NUDT19: variants seen among roughly 807,000 people sequenced by gnomAD.
NUDT19 encodes the protein nudix hydrolase 19, also known as acyl-coenzyme A diphosphatase NUDT19.
Under a neutral mutation model 22.2 loss-of-function variants are expected in NUDT19, and 31 were observed. The observed-to-expected ratio is 1.40, with a 90% confidence interval of 1.05 to 1.89. NUDT19 has a LOEUF of 1.89. NUDT19 is among the 40% of genes most tolerant of loss of function. NUDT19 has a pLI of 0.00. For synonymous variants in NUDT19, 325 were observed against 230.8 expected (o/e 1.41, Z -3.70); for missense variants, 752 against 514.2 (o/e 1.46, Z -4.47).
intron 2 of NUDT19, 87 bp downstream of exon 2, chr19:32,709,479 G>T: frequency 9.8e-7 from 1 of 1,020,044 alleles, no homozygotes; most frequent in Non-Finnish European, 1.5e-6. Context: ...GTAGAGACAG[G>T]AATTACAGTC....
rs1430070086 is a variant in NUDT19, at chr19:32,713,553, A to C, written c.*1596A>C. 6.6e-6 allele frequency: 1 copy of C among 152,202 alleles called. No homozygotes were observed. Among genetic ancestry groups the C allele is most frequent in the Non-Finnish European group, 1.5e-5 (1 of 68,040 alleles). 9.4% of individuals were successfully genotyped at this position (152,202 alleles called of 1,614,324 possible). ...ATGAATGTAAAGAGGTTAGAAATGT[A>C]GTGTTTGATTAATGATGTTTATTTT... On this transcript the variant is annotated 3_prime_UTR_variant, in exon 3 of 3. Coordinates refer to ENST00000397061, the MANE Select transcript of NUDT19 (RefSeq NM_001105570.2).
At chr19:32,697,853 G>T (rs541825719) in intron 1 of NUDT19, among the ~76,000 whole-genome samples, 61 of 152,290 alleles carry the variant, frequency 4.0e-4, no homozygotes, top group African/African-American at 1.4e-3. Context: ...CCCAAGGTCT[G>T]CCTTGATCTG....
At chr19:32,704,965 G>A (rs1341794653) in intron 1 of NUDT19, among the ~76,000 whole-genome samples, 3 of 151,486 alleles carry the variant, frequency 2.0e-5, no homozygotes, top group Non-Finnish European at 4.4e-5. Flanking sequence ...AAATTAGCTG[G>A]GCATGGTGGC....
rs752412763 is a variant in NUDT19, at chr19:32,692,690, G to A, written c.714+16G>A. On this transcript the variant is annotated intron_variant, in intron 1 of 2. Coordinates refer to ENST00000397061, the MANE Select transcript of NUDT19 (RefSeq NM_001105570.2). ...GGGCTACCAGGTAAGGCCTGCTCAG[G>A]GCCTTGCTGCGGACCGCCAGGACGT... The A allele has an allele frequency of 2.8e-6, 4 of 1,452,224 alleles. No individual in the cohort carries two copies. In the East Asian group the frequency reaches 1.0e-4, roughly 38 times the overall value. The allele number at this position is 1,452,224 out of a possible 1,614,324, so 90.0% of individuals were successfully genotyped here. A position where few individuals can be genotyped will look rare whatever the true frequency, so the allele number is the denominator to read the frequency against.
Position 32,692,058 on chromosome 19 carries a change from C to T in NUDT19, c.98C>T (p.Pro33Leu), listed in dbSNP as rs963222989. 30 of 1,291,918 alleles carry T rather than the reference C, an allele frequency of 2.3e-5. No individual in the cohort carries two copies. Among genetic ancestry groups the T allele is most frequent in the Non-Finnish European group, 2.9e-5 (30 of 1,024,528 alleles). The allele number at this position is 1,291,918 out of a possible 1,614,324, so 80.0% of individuals were successfully genotyped here. ...GWSRPETATPPSRPPPAEGFR... is the reference protein window; with the variant it reads ...GWSRPETATPLSRPPPAEGFR... Reference sequence around the variant, plus strand: ...TCGCGCCCGGAGACCGCCACCCCGCCGTCGCGCCCGCCGCCGGCCGAGGGC... The same window carrying T: ...TCGCGCCCGGAGACCGCCACCCCGCTGTCGCGCCCGCCGCCGGCCGAGGGC... Residue 33 changes from proline (P) to leucine (L), a missense_variant, in exon 1 of 3, where the codon CCG becomes CTG. Coordinates refer to ENST00000397061, the MANE Select transcript of NUDT19 (RefSeq NM_001105570.2).
rs1568430889 is a variant in NUDT19 at position 32,692,443 on chromosome 19, G to A, written c.483G>A (p.Pro161=). Residue 161 remains proline (P), a synonymous_variant, in exon 1 of 3, where the codon CCG becomes CCA. Transcript: ENST00000397061. ...GGCCTGGCCTCGCCCTGGAGCCACC[G>A]CCGGGCCTGGCCTCCTGGCGCGACC... ...APGPGLALEP[P]PGLASWRDRV... is the part of the protein sequence containing the mutation. 3 of 1,544,882 alleles carry A rather than the reference G, an allele frequency of 1.9e-6. No homozygotes were observed. Among genetic ancestry groups the A allele is most frequent in the Admixed American group, 2.0e-5 (1 of 51,224 alleles).
At chr19:32,693,507 G>T (rs556024453) in intron 1 of NUDT19, among the ~76,000 whole-genome samples, 1 of 152,196 alleles carries the variant, frequency 6.6e-6, no homozygotes, top group African/African-American at 2.4e-5. Context: ...CTCCCACAGC[G>T]GAAGGGGATC....
Position 32,692,589 on chromosome 19 carries a change from G to A in NUDT19, c.629G>A (p.Arg210His), listed in dbSNP as rs750887008. The A allele has an allele frequency of 6.9e-6, 11 of 1,584,742 alleles. No homozygotes were observed. Among genetic ancestry groups the A allele is most frequent in the South Asian group, 2.3e-5 (2 of 87,578 alleles). Residue 210 changes from arginine (R) to histidine (H), a missense_variant, in exon 1 of 3, where the codon CGC (arginine) becomes CAC (histidine). By Grantham distance (29) the Arg-to-His change is conservative. Coordinates refer to ENST00000397061, the MANE Select transcript of NUDT19 (RefSeq NM_001105570.2). ...ACCCCTTTCTTGCGGGGCACCACTC[G>A]CCGCTTTGACACGGCCTTCTTCCTG... is the stretch of plus-strand genomic sequence containing the variant. ...WLTPFLRGTT[R>H]RFDTAFFLCC...
At chr19:32,696,486 G>A (rs1014730177) in intron 1 of NUDT19, among the ~76,000 whole-genome samples, 12 of 152,120 alleles carry the variant, frequency 7.9e-5, no homozygotes, top group Non-Finnish European at 1.5e-4. Context: ...GAAAAGTTTC[G>A]TCCTGTGGGA....
chr19:32,693,195 C>T (rs1232594535), intron 1 of NUDT19, among the ~76,000 whole-genome samples: 2 of 152,182 alleles, frequency 1.3e-5, no homozygotes, highest in Non-Finnish European at 2.9e-5. Flanking sequence ...TGTTACAGTT[C>T]TTAAAGATGG....
rs1033999244 is a variant in NUDT19 at position 32,707,754 on chromosome 19, G to A, written c.715-1431G>A. Among the ~76,000 whole-genome samples the A allele has an allele frequency of 5.3e-5, 8 of 152,204 alleles. No individual in the cohort carries two copies. In the East Asian group the frequency reaches 7.7e-4, roughly 15 times the overall value. On this transcript the variant is annotated intron_variant, in intron 1 of 2. Transcript: ENST00000397061. ...AGCACTTTGAGAGGCCGAGGCGGGT[G>A]GATCACAAAGTCAGGAGATCGAGAC... is the stretch of plus-strand genomic sequence containing the variant.
At position 32,712,832 on chromosome 19, in the gene NUDT19, T is replaced by A. The variant is rs1420866795; in HGVS notation, c.*875T>A. ...CAGAACATAATTTCACAAGGGTTCC[T>A]ACTTCTGTATTGTTTTATTATCTCA... On this transcript the variant is annotated 3_prime_UTR_variant, in exon 3 of 3. Coordinates refer to ENST00000397061, the MANE Select transcript of NUDT19 (RefSeq NM_001105570.2). 1 of 152,256 alleles carries A rather than the reference T, an allele frequency of 6.6e-6. No individual in the cohort carries two copies. The highest frequency in any genetic ancestry group is 1.5e-5 in the Non-Finnish European group (1 of 68,050). 9.4% of individuals were successfully genotyped at this position (152,256 alleles called of 1,614,324 possible).
At chr19:32,703,889 C>T (rs1469074854) in intron 1 of NUDT19, among the ~76,000 whole-genome samples, 1 of 151,764 alleles carries the variant, frequency 6.6e-6, no homozygotes, top group East Asian at 1.9e-4. Context: ...TCTCAAACTC[C>T]TGACCTCAGG....
In NUDT19 at chr19:32,699,535, G is replaced by T. The variant is rs145792311; in HGVS notation, c.714+6861G>T. The stretch of plus-strand genomic sequence containing the variant: ...CACTCCGAAGAGTCGGGGGTTGTTA[G>T]CCCTTTCCCAGAAAGCCTGACACCC... On this transcript the variant is annotated intron_variant, in intron 1 of 2. Coordinates refer to ENST00000397061, the MANE Select transcript of NUDT19 (RefSeq NM_001105570.2). 5.1e-3 allele frequency among the ~76,000 whole-genome samples: 774 copies of T among 152,318 alleles called. 6 individuals carry two copies. The highest frequency in any genetic ancestry group is 0.018 in the African/African-American group (750 of 41,574).
At chr19:32,701,199 GTTTTTTTTTT>G (rs3042685) in intron 1 of NUDT19, among the ~76,000 whole-genome samples, 4 of 101,026 alleles carry the variant, frequency 4.0e-5, no homozygotes, top group Middle Eastern at 7.0e-3. Flanking sequence ...CATCTTGCAG[GTTTTTTTTTT>G]TTTTTTTTTT....
rs758794130 is a variant in NUDT19, at chr19:32,692,493, T to A, written c.533T>A (p.Phe178Tyr). 9.6e-6 allele frequency: 15 copies of A among 1,558,272 alleles called. No individual in the cohort carries two copies. Among genetic ancestry groups the A allele is most frequent in the Non-Finnish European group, 1.3e-5 (15 of 1,155,042 alleles). Residue 178 changes from phenylalanine to tyrosine, a missense_variant, in exon 1 of 3, where the codon TTC (phenylalanine) becomes TAC (tyrosine). By Grantham distance (22) the Phe-to-Tyr change is conservative. Transcript: ENST00000397061. ...CGCGTGCGCCAGGACCCGCGCCACT[T>A]CCTGCGGCTGTGCGCCCACCTCGAC... ...RDRVRQDPRH[F>Y]LRLCAHLDCT...
At chr19:32,693,443 G>A (rs370214834) in intron 1 of NUDT19, among the ~76,000 whole-genome samples, 16 of 152,318 alleles carry the variant, frequency 1.1e-4, no homozygotes, top group African/African-American at 3.4e-4. Context: ...AAGGTAGTGC[G>A]GACCCAAGGA....
At chr19:32,708,421 C>T (rs576966247) in intron 1 of NUDT19, among the ~76,000 whole-genome samples, 7 of 148,682 alleles carry the variant, frequency 4.7e-5, no homozygotes, top group Middle Eastern at 3.5e-3. Context: ...AGCGAGACTC[C>T]GTCTCAAAAA....
At chr19:32,699,099 C>T (rs1421556016) in intron 1 of NUDT19, among the ~76,000 whole-genome samples, 2 of 152,056 alleles carry the variant, frequency 1.3e-5, no homozygotes, top group African/African-American at 4.8e-5. Flanking sequence ...CCAGATAATC[C>T]CCCCTACGAT....
Sources: allele counts gnomAD v4.1 joint callset (sites outside exome capture counted in the v4.1 genomes callset), GRCh38; gene constraint gnomAD v4.1.1; transcripts MANE v1.5; gene names NCBI Gene and HGNC (gene_info 2026-07-23, HGNC 2026-07-21).